The following KIF25 variants were observed in gnomAD, a reference collection of about 807,000 sequenced individuals.
The protein encoded by KIF25 is kinesin family member 25.
In KIF25, 19 loss-of-function variants were observed where a neutral mutation model predicts 32.9. The ratio of observed to expected loss-of-function variants is 0.58; its 90% CI spans 0.40 to 0.85. KIF25 has a LOEUF of 0.85. Among genes scored for constraint, KIF25 ranks in the 40% least tolerant of loss-of-function variants. KIF25 has a pLI of 0.00. For synonymous variants in KIF25, 225 were observed against 213.7 expected (o/e 1.05, Z -0.46); for missense variants, 485 against 507.0 (o/e 0.96, Z 0.42).
chr6:168,042,415 C>T (rs1799138061), intron 11 of KIF25, 146 bp from the exon 12 acceptor site: 1 of 1,087,532 alleles, frequency 9.2e-7, no homozygotes, highest in Non-Finnish European at 1.3e-6. Context: ...GTGAGCAGAG[C>T]CATGAAAGAC....
At chr6:168,020,923 G>A (rs77013673) in intron 5 of KIF25, among the ~76,000 whole-genome samples, 2,139 of 152,130 alleles carry the variant, frequency 0.014, 57 homozygotes, top group African/African-American at 0.049. Context: ...AAATAAAGGC[G>A]GTCAATACAA....
At chr6:168,036,208 T>TC (rs1243101196) in intron 8 of KIF25, 5 of 162,068 alleles carry the variant, frequency 3.1e-5, no homozygotes, top group African/African-American at 1.2e-4. Context: ...ACCGCCTCCT[T>TC]CCCGACTGCT....
chr6:168,040,021 G>T (rs1412564108), intron 9 of KIF25, 44 bp from the exon 10 acceptor site: 1 of 1,567,468 alleles, frequency 6.4e-7, no homozygotes. Flanking sequence ...TTAGGTAAGG[G>T]GGGCCGCCCT....
intron 12 of KIF25, among the ~76,000 whole-genome samples, chr6:168,043,401 C>T (rs1011657787): frequency 5.9e-5 from 9 of 152,138 alleles, no homozygotes; most frequent in African/African-American, 2.2e-4. Flanking sequence ...ACATGGCCAC[C>T]ACAGTCGGGG....
intron 4 of KIF25, among the ~76,000 whole-genome samples, chr6:168,005,828 T>C (rs2843005): frequency 0.76 from 115,488 of 152,168 alleles, 43,996 homozygotes; most frequent in African/African-American, 0.83. Context: ...TCTGCCTTTC[T>C]CACCCCACTG....
Position 168,018,014 on chromosome 6 carries a change from G to C in KIF25, c.-121G>C, listed in dbSNP as rs1798739173. On this transcript the variant is annotated 5_prime_UTR_variant, in exon 5 of 13. Coordinates refer to ENST00000643607, the MANE Select transcript of KIF25 (RefSeq NM_030615.4). ...AATGTGATCGTCCTGGCCACCCTCT[G>C]ATTGATAAGACATATCATTTTGAAA... The C allele has an allele frequency of 6.6e-6, 1 of 152,586 alleles. No homozygotes were observed. Among genetic ancestry groups the C allele is most frequent in the Non-Finnish European group, 1.5e-5 (1 of 68,044 alleles). 9.5% of individuals were successfully genotyped at this position (152,586 alleles called of 1,614,324 possible).
At chr6:168,034,803 C>G (rs1221282325) in intron 8 of KIF25, among the ~76,000 whole-genome samples, 1 of 152,100 alleles carries the variant, frequency 6.6e-6, no homozygotes, top group African/African-American at 2.4e-5. Flanking sequence ...CGAAAGAGAC[C>G]CACTGCCCGT....
At chr6:168,032,514 A>C (rs570568089) in intron 7 of KIF25, among the ~76,000 whole-genome samples, 1 of 152,364 alleles carries the variant, frequency 6.6e-6, no homozygotes, top group South Asian at 2.1e-4. Flanking sequence ...ATGGTAACGC[A>C]GAGGCCTGAT....
chr6:168,030,387 A>C, intron 6 of KIF25: 1 of 163,064 alleles, frequency 6.1e-6, no homozygotes, highest in Admixed American at 6.4e-5. Context: ...TAGTTATGGG[A>C]TAATTATATC....
At chr6:168,032,140 T>C (rs1339743785) in intron 7 of KIF25, among the ~76,000 whole-genome samples, 2 of 152,232 alleles carry the variant, frequency 1.3e-5, no homozygotes, top group Non-Finnish European at 2.9e-5. Flanking sequence ...TGTGTCGATA[T>C]TAAGGCTGCA....
At chr6:168,023,880 T>C (rs1798822172) in intron 5 of KIF25, among the ~76,000 whole-genome samples, 1 of 152,244 alleles carries the variant, frequency 6.6e-6, no homozygotes, top group Non-Finnish European at 1.5e-5. Context: ...GTTTTACTAC[T>C]CAAGGATTGC....
rs780114962 is a variant in KIF25, at chr6:168,033,974, C to T, written c.260C>T (p.Pro87Leu). Residue 87 changes from proline (P) to leucine (L), a missense_variant, in exon 8 of 13, where the codon CCG (proline) becomes CTG (leucine). By Grantham distance (98) the Pro-to-Leu change is moderately conservative. Transcript: ENST00000643607. ...GRHSDDGPVL[P>L]LDPQSDLGII... ...CATTCGGACGACGGCCCTGTTCTGC[C>T]GCTTGACCCACAGAGTGACTTAGGA... is the stretch of plus-strand genomic sequence containing the variant. 1.5e-5 allele frequency: 25 copies of T among 1,614,030 alleles called. No individual in the cohort carries two copies. The highest frequency in any genetic ancestry group is 1.9e-5 in the Non-Finnish European group (23 of 1,180,044).
At chr6:168,002,913 C>A (rs1798527401) in intron 3 of KIF25, among the ~76,000 whole-genome samples, 1 of 152,196 alleles carries the variant, frequency 6.6e-6, no homozygotes, top group African/African-American at 2.4e-5. Context: ...CAACCTGCAT[C>A]CCTCACATGC....
intron 7 of KIF25, among the ~76,000 whole-genome samples, chr6:168,031,881 C>T (rs2114901059): frequency 6.6e-6 from 1 of 152,318 alleles, no homozygotes; most frequent in African/African-American, 2.4e-5. Flanking sequence ...ATATGAGTGA[C>T]CGTGGCCCAT....
chr6:168,037,527 C>G (rs750646441), intron 8 of KIF25, among the ~76,000 whole-genome samples: 1 of 151,958 alleles, frequency 6.6e-6, no homozygotes, highest in Non-Finnish European at 1.5e-5. Flanking sequence ...TATTTGGTGA[C>G]GAGGTTGGAA....
chr6:168,006,901 A>G (rs1330580160), intron 4 of KIF25, among the ~76,000 whole-genome samples: 4 of 152,214 alleles, frequency 2.6e-5, no homozygotes, highest in Non-Finnish European at 1.5e-5. Context: ...AAAGGCCAAG[A>G]AAATTGTTAT....
chr6:168,021,974 C>T (rs759345960), intron 5 of KIF25, among the ~76,000 whole-genome samples: 23 of 152,292 alleles, frequency 1.5e-4, no homozygotes, highest in Admixed American at 3.3e-4. Context: ...CTGTTTCACT[C>T]GGCAGTTGCT....
intron 10 of KIF25, among the ~76,000 whole-genome samples, chr6:168,040,667 A>G (rs755003172): frequency 1.3e-5 from 2 of 152,180 alleles, no homozygotes; most frequent in Admixed American, 6.5e-5. Flanking sequence ...CCTTTTCAGT[A>G]TCTGCATCCC....
intron 4 of KIF25, among the ~76,000 whole-genome samples, chr6:168,004,782 C>A (rs577114547): frequency 6.6e-6 from 1 of 152,256 alleles, no homozygotes; most frequent in African/African-American, 2.4e-5. Flanking sequence ...TGCCTCAAAC[C>A]CTCTAAGCAC....
Sources: allele counts gnomAD v4.1 joint callset (sites outside exome capture counted in the v4.1 genomes callset), GRCh38; gene constraint gnomAD v4.1.1; transcripts MANE v1.5; gene names NCBI Gene and HGNC (gene_info 2026-07-23, HGNC 2026-07-21).